The following KCNH5 variants were observed in gnomAD, a reference collection of about 807,000 sequenced individuals.
KCNH5 encodes the protein potassium voltage-gated channel subfamily H member 5.
KCNH5 carries 46 observed loss-of-function variants against 96.1 expected under a neutral mutation model. That is an observed-to-expected ratio of 0.48 (90% CI 0.38 to 0.61). The LOEUF (loss-of-function observed/expected upper bound fraction) is 0.61, where lower values mean the gene tolerates loss of function less well. Ranked by LOEUF, KCNH5 falls within the 20% of genes least tolerant of loss-of-function variation. KCNH5 has a pLI of 0.00. For synonymous variants in KCNH5, 439 were observed against 449.8 expected, an observed-to-expected ratio of 0.98 and a Z score of 0.30; for missense variants, 907 against 1,225.8, an observed-to-expected ratio of 0.74 and a Z score of 3.88.
chr14:62,763,071 C>G (rs552010944), intron 10 of KCNH5, among the ~76,000 whole-genome samples: 3 of 152,210 alleles, frequency 2.0e-5, no homozygotes, highest in East Asian at 1.9e-4. Flanking sequence ...ACACTCTACC[C>G]AACAACAATA....
chr14:62,940,851 A>C (rs1170175813), intron 7 of KCNH5, among the ~76,000 whole-genome samples: 2 of 152,194 alleles, frequency 1.3e-5, no homozygotes, highest in Non-Finnish European at 2.9e-5. Context: ...CACAACCATC[A>C]AGTAGGAGAT....
intron 9 of KCNH5, among the ~76,000 whole-genome samples, chr14:62,789,558 G>T (rs1886389274): frequency 6.6e-6 from 1 of 151,910 alleles, no homozygotes; most frequent in East Asian, 1.9e-4. Context: ...GGTATTCCAG[G>T]ATTCTCTTTT....
intron 1 of KCNH5, among the ~76,000 whole-genome samples, chr14:63,035,550 C>T (rs1373566263): frequency 6.6e-6 from 1 of 152,168 alleles, no homozygotes; most frequent in African/African-American, 2.4e-5. Context: ...GATGTTTCTG[C>T]TTTATTCCTC....
At chr14:62,796,904 C>A (rs2139994345) in intron 9 of KCNH5, among the ~76,000 whole-genome samples, 1 of 152,268 alleles carries the variant, frequency 6.6e-6, no homozygotes, top group Non-Finnish European at 1.5e-5. Context: ...AGGTGATACA[C>A]AAATGGTTGC....
chr14:62,809,817 A>T (rs1404558622), intron 8 of KCNH5, among the ~76,000 whole-genome samples: 1 of 152,118 alleles, frequency 6.6e-6, no homozygotes, highest in African/African-American at 2.4e-5. Context: ...TTCTAGTCTC[A>T]GTAGTTGTTT....
At chr14:62,939,384 T>A (rs769772025) in intron 7 of KCNH5, among the ~76,000 whole-genome samples, 2 of 152,184 alleles carry the variant, frequency 1.3e-5, no homozygotes, top group Non-Finnish European at 2.9e-5. Flanking sequence ...ACATTGTTAT[T>A]CCCAAAGAGA....
chr14:62,731,257 C>T (rs1448116085), intron 10 of KCNH5, among the ~76,000 whole-genome samples: 51 of 151,466 alleles, frequency 3.4e-4, no homozygotes, highest in African/African-American at 9.5e-4. Flanking sequence ...GCCAAGATCG[C>T]GCCACTGCAC....
chr14:62,865,135 T>C (rs1367500880), intron 7 of KCNH5, among the ~76,000 whole-genome samples: 3 of 151,968 alleles, frequency 2.0e-5, no homozygotes, highest in Admixed American at 2.0e-4. Context: ...ACCAAAAAAA[T>C]AACCTAGGTA....
intron 10 of KCNH5, among the ~76,000 whole-genome samples, chr14:62,773,308 C>A (rs776695646): frequency 9.9e-5 from 15 of 152,170 alleles, no homozygotes; most frequent in Non-Finnish European, 1.8e-4. Context: ...TAGATTATTT[C>A]TCTATTTGAA....
intron 7 of KCNH5, among the ~76,000 whole-genome samples, chr14:62,873,543 C>T (rs1888305579): frequency 6.6e-6 from 1 of 152,176 alleles, no homozygotes; most frequent in African/African-American, 2.4e-5. Context: ...CTGGCTAGAT[C>T]ACAGACATTA....
At chr14:62,964,519 T>C (rs917206652) in intron 6 of KCNH5, among the ~76,000 whole-genome samples, 9 of 152,036 alleles carry the variant, frequency 5.9e-5, no homozygotes, top group Non-Finnish European at 5.9e-5. Context: ...ATATACTTAC[T>C]GTCTGTTTTT....
chr14:62,769,948 C>T (rs1885949867), intron 10 of KCNH5, among the ~76,000 whole-genome samples: 2 of 152,118 alleles, frequency 1.3e-5, no homozygotes, highest in African/African-American at 4.8e-5. Context: ...ATACTACGTA[C>T]TATTTGAGGG....
chr14:63,036,112 A>C (rs1368089429), intron 1 of KCNH5, among the ~76,000 whole-genome samples: 3 of 152,220 alleles, frequency 2.0e-5, no homozygotes, highest in Non-Finnish European at 4.4e-5. Flanking sequence ...TACAGACAGA[A>C]GCTGTTTTAG....
At chr14:62,840,961 G>T (rs1887573678) in intron 8 of KCNH5, among the ~76,000 whole-genome samples, 1 of 151,958 alleles carries the variant, frequency 6.6e-6, no homozygotes, top group South Asian at 2.1e-4. Context: ...GCCAGACAAT[G>T]ATGCCCATGG....
chr14:62,816,262 T>C (rs949974138), intron 8 of KCNH5, among the ~76,000 whole-genome samples: 2 of 151,950 alleles, frequency 1.3e-5, no homozygotes, highest in Non-Finnish European at 2.9e-5. Flanking sequence ...CTTACATAGG[T>C]TATAGATTTA....
intron 10 of KCNH5, among the ~76,000 whole-genome samples, chr14:62,735,399 C>G (rs1885135882): frequency 6.6e-6 from 1 of 152,086 alleles, no homozygotes; most frequent in Admixed American, 6.6e-5. Flanking sequence ...CCTAGAAACC[C>G]CTTGAACTGA....
intron 4 of KCNH5, among the ~76,000 whole-genome samples, chr14:62,992,165 T>C (rs1456941543): frequency 2.0e-5 from 3 of 152,122 alleles, no homozygotes; most frequent in Admixed American, 6.6e-5. Context: ...GATTTCATTC[T>C]TTTTTATGGC....
intron 9 of KCNH5, among the ~76,000 whole-genome samples, chr14:62,799,906 C>T (rs922854222): frequency 2.1e-5 from 3 of 144,076 alleles, no homozygotes; most frequent in Non-Finnish European, 4.5e-5. Flanking sequence ...TGTAACTTTT[C>T]ATTAAGCATG....
At chr14:62,853,481 CAT>C (rs1306077655) in intron 7 of KCNH5, among the ~76,000 whole-genome samples, 1 of 41,304 alleles carries the variant, frequency 2.4e-5, no homozygotes, top group African/African-American at 8.6e-5. Flanking sequence ...ATATATATAT[CAT>C]ATATATATAT....
Sources: gnomAD v4.1 joint callset for allele counts (sites outside exome capture counted in the v4.1 genomes callset) on GRCh38, gnomAD v4.1.1 for gene constraint, MANE v1.5 for transcripts, NCBI Gene and HGNC (gene_info 2026-07-23, HGNC 2026-07-21) for gene names.